PLCL1: variants seen among roughly 807,000 people sequenced by gnomAD.
PLCL1 encodes phospholipase C like 1 (inactive).
In PLCL1, 41 loss-of-function variants were observed where a neutral mutation model predicts 84.4. The observed-to-expected ratio is 0.49, with a 90% CI of 0.38 to 0.63. PLCL1 has a LOEUF of 0.63. Ranked by LOEUF, PLCL1 falls within the 30% of genes least tolerant of loss-of-function variation. The pLI is 0.00. For synonymous variants in PLCL1, 490 were observed against 488.3 expected, an observed-to-expected ratio of 1.00 and a Z score of -0.05; for missense variants, 1,206 against 1,367.8, an observed-to-expected ratio of 0.88 and a Z score of 1.87.
chr2:198,091,397 T>C (rs1693028248), intron 3 of PLCL1, among the ~76,000 whole-genome samples: 1 of 152,104 alleles, frequency 6.6e-6, no homozygotes. Flanking sequence ...TTTAAAAACA[T>C]AGATCAAGGG....
rs373512508 is a variant in PLCL1 at position 197,918,971 on chromosome 2, T to TCTCTCTCTCTCTCTCTCTCTCTCTCA, written c.240+113633_240+113634insTCTCTCTCTCTCTCTCTCTCTCTCAC. ...CTCTCTCTCTCTCTCTCTCTCTCCCTCACACACACACATACACACACAAAG... is the reference window on the plus strand; with the variant it reads ...CTCTCTCTCTCTCTCTCTCTCTCCCTCTCTCTCTCTCTCTCTCTCTCTCTCACACACACACACATACACACACAAAG... On this transcript the variant is annotated intron_variant, in intron 1 of 5. Coordinates refer to ENST00000428675, the MANE Select transcript of PLCL1 (RefSeq NM_006226.4). 7.0e-4 allele frequency among the ~76,000 whole-genome samples: 101 copies of TCTCTCTCTCTCTCTCTCTCTCTCTCA among 144,644 alleles called. 2 individuals carry two copies. The highest frequency in any genetic ancestry group is 1.2e-3 in the Non-Finnish European group (80 of 66,186). The allele number at this position is 144,644 out of a possible 152,430, so 94.9% of individuals were successfully genotyped here.
At chr2:198,086,321 A>G (rs1692880560) in intron 2 of PLCL1, 89 bp downstream of exon 2, 3 of 931,120 alleles carry the variant, frequency 3.2e-6, no homozygotes, top group Admixed American at 2.6e-5. Flanking sequence ...GCAAAAATTT[A>G]TCAGAAAGAT....
At chr2:197,928,085 C>T (rs1369347210) in intron 1 of PLCL1, among the ~76,000 whole-genome samples, 1 of 152,100 alleles carries the variant, frequency 6.6e-6, no homozygotes, top group Non-Finnish European at 1.5e-5. Flanking sequence ...TCATTATATG[C>T]ATATATTTCA....
intron 1 of PLCL1, among the ~76,000 whole-genome samples, chr2:197,931,673 C>A (rs1259887094): frequency 1.1e-5 from 1 of 87,856 alleles, no homozygotes; most frequent in African/African-American, 4.3e-5. Flanking sequence ...ACCAACCAAC[C>A]AACCACCCAC....
At chr2:197,960,823 T>G (rs1248318263) in intron 1 of PLCL1, among the ~76,000 whole-genome samples, 1 of 152,116 alleles carries the variant, frequency 6.6e-6, no homozygotes, top group Non-Finnish European at 1.5e-5. Flanking sequence ...AAACAAGCTT[T>G]ATTTTTCTGT....
chr2:197,972,504 C>G (rs570383855), intron 1 of PLCL1, among the ~76,000 whole-genome samples: 5 of 152,120 alleles, frequency 3.3e-5, no homozygotes, highest in Non-Finnish European at 5.9e-5. Context: ...ACTCAAACTC[C>G]TGAGTGTGGG....
At chr2:197,983,699 G>C (rs1297440534) in intron 1 of PLCL1, among the ~76,000 whole-genome samples, 2 of 152,166 alleles carry the variant, frequency 1.3e-5, no homozygotes, top group Admixed American at 6.5e-5. Context: ...ATCAAAGCCT[G>C]GTGATGAGGC....
At chr2:197,876,944 C>T (rs1196515033) in intron 1 of PLCL1, among the ~76,000 whole-genome samples, 1 of 152,146 alleles carries the variant, frequency 6.6e-6, no homozygotes, top group East Asian at 1.9e-4. Flanking sequence ...ATGTACAATA[C>T]TGATGCCAGC....
At chr2:198,119,229 TTTAA>T (rs71964627) in intron 5 of PLCL1, among the ~76,000 whole-genome samples, 54,128 of 151,592 alleles carry the variant, frequency 0.36, 9,948 homozygotes, top group Middle Eastern at 0.45. Flanking sequence ...TGTAAGAAAA[TTTAA>T]TTAAATTCAT....
intron 1 of PLCL1, among the ~76,000 whole-genome samples, chr2:197,872,041 A>G (rs1574923867): frequency 6.6e-6 from 1 of 152,266 alleles, no homozygotes; most frequent in East Asian, 1.9e-4. Flanking sequence ...TGCTGTAGAC[A>G]CTAAATTCCA....
At chr2:198,092,536 C>T (rs911456708) in intron 3 of PLCL1, among the ~76,000 whole-genome samples, 6 of 152,084 alleles carry the variant, frequency 3.9e-5, no homozygotes, top group Non-Finnish European at 7.4e-5. Flanking sequence ...ACTGTACCAC[C>T]GACACCACCT....
In PLCL1 at chr2:197,947,182, C is replaced by T. The variant is rs1689292643; in HGVS notation, c.241-136576C>T. Among the ~76,000 whole-genome samples, 3 of 149,160 alleles carry T rather than the reference C, an allele frequency of 2.0e-5. No individual in the cohort carries two copies. In the South Asian group the frequency reaches 6.3e-4, roughly 31 times the overall value. ...AAAAATTAAGAATTTCAGATGACTG[C>T]TATGAAAAAGATGAAATCAGGTAAT... On this transcript the variant is annotated intron_variant, in intron 1 of 5. Coordinates refer to ENST00000428675, the MANE Select transcript of PLCL1 (RefSeq NM_006226.4).
chr2:197,861,881 G>A (rs1405592686), intron 1 of PLCL1, among the ~76,000 whole-genome samples: 1 of 152,166 alleles, frequency 6.6e-6, no homozygotes, highest in Non-Finnish European at 1.5e-5. Flanking sequence ...TAAGGAATTT[G>A]CTGAAGAAAG....
intron 1 of PLCL1, among the ~76,000 whole-genome samples, chr2:197,979,013 G>A (rs1457243335): frequency 6.6e-6 from 1 of 152,180 alleles, no homozygotes; most frequent in East Asian, 1.9e-4. Flanking sequence ...CATCCACTGT[G>A]GATTGCTCTG....
intron 1 of PLCL1, among the ~76,000 whole-genome samples, chr2:197,889,684 C>T (rs946660022): frequency 5.3e-5 from 8 of 152,052 alleles, no homozygotes; most frequent in African/African-American, 1.9e-4. Flanking sequence ...TAATAAAATC[C>T]TAGCATGGCT....
intron 1 of PLCL1, among the ~76,000 whole-genome samples, chr2:197,881,820 C>T (rs1687835625): frequency 6.6e-6 from 1 of 152,060 alleles, no homozygotes; most frequent in Non-Finnish European, 1.5e-5. Flanking sequence ...CATTCATCAC[C>T]CAGCTCCAAC....
intron 1 of PLCL1, among the ~76,000 whole-genome samples, chr2:197,895,705 G>A (rs751218324): frequency 2.2e-4 from 34 of 151,938 alleles, no homozygotes; most frequent in Non-Finnish European, 3.1e-4. Context: ...CCATACTAGG[G>A]CCATTTGTGT....
Position 197,943,348 on chromosome 2 carries a change from T to C in PLCL1, c.240+138009T>C, listed in dbSNP as rs181156288. ...CATGAAAATAATTATTAAATACTTC[T>C]ATAAGACACACACACACACACATAC... On this transcript the variant is annotated intron_variant, in intron 1 of 5. Coordinates refer to ENST00000428675, the MANE Select transcript of PLCL1 (RefSeq NM_006226.4). 2.0e-5 allele frequency among the ~76,000 whole-genome samples: 3 copies of C among 152,222 alleles called. No individual in the cohort carries two copies. The East Asian group carries it at 5.8e-4, about 29-fold the overall frequency.
chr2:198,089,658 C>T (rs866175596), intron 3 of PLCL1, among the ~76,000 whole-genome samples: 1 of 152,100 alleles, frequency 6.6e-6, no homozygotes, highest in African/African-American at 2.4e-5. Flanking sequence ...TATAGCCACA[C>T]TTAGTTGCAA....
Sources: allele counts gnomAD v4.1 joint callset (sites outside exome capture counted in the v4.1 genomes callset), GRCh38; gene constraint gnomAD v4.1.1; transcripts MANE v1.5; gene names NCBI Gene and HGNC (gene_info 2026-07-23, HGNC 2026-07-21).